Variants in VPS13D observed in about 807,000 individuals in gnomAD.
VPS13D encodes the protein intermembrane lipid transfer protein VPS13D.
Under a neutral mutation model 461.9 loss-of-function variants are expected in VPS13D, and 187 were observed. That is an observed-to-expected ratio of 0.40 (90% CI 0.36 to 0.46). The LOEUF is 0.46. VPS13D is among the 20% of genes least tolerant of loss of function. The pLI is 0.60. For synonymous variants in VPS13D, 1,951 were observed against 1,986.3 expected, an observed-to-expected ratio of 0.98 and a Z score of 0.47; for missense variants, 4,711 against 5,364.9, an observed-to-expected ratio of 0.88 and a Z score of 3.81.
chr1:12,375,298 G>T (rs1353756325), intron 55 of VPS13D, among the ~76,000 whole-genome samples: 2 of 152,188 alleles, frequency 1.3e-5, no homozygotes, highest in African/African-American at 4.8e-5. Flanking sequence ...TTGTGGTGTT[G>T]TGGTTCCCAG....
intron 65 of VPS13D, among the ~76,000 whole-genome samples, chr1:12,419,715 G>A (rs1644839036): frequency 6.6e-6 from 1 of 152,118 alleles, no homozygotes; most frequent in Non-Finnish European, 1.5e-5. Flanking sequence ...CTCCCACCAG[G>A]TCCCAGCTCC....
chr1:12,508,109 T>A (rs900007703), intron 69 of VPS13D, among the ~76,000 whole-genome samples: 3 of 152,324 alleles, frequency 2.0e-5, no homozygotes, highest in Admixed American at 1.3e-4. Flanking sequence ...AGCTGGCTGA[T>A]GAAGAGGGCG....
At chr1:12,374,492 A>T (rs983531694) in intron 55 of VPS13D, among the ~76,000 whole-genome samples, 2 of 152,218 alleles carry the variant, frequency 1.3e-5, no homozygotes, top group East Asian at 1.9e-4. Context: ...CTTACTGGTG[A>T]CATTAACTTA....
intron 55 of VPS13D, among the ~76,000 whole-genome samples, chr1:12,375,223 A>G (rs1644182109): frequency 6.6e-6 from 1 of 152,132 alleles, no homozygotes; most frequent in Non-Finnish European, 1.5e-5. Flanking sequence ...GGGAGCCCTC[A>G]TCCCTTCTAT....
rs562943021 is a variant in VPS13D, at chr1:12,261,590, A to T, written c.1415-311A>T. Among the ~76,000 whole-genome samples, 13 of 152,326 alleles carry T rather than the reference A, an allele frequency of 8.5e-5. No individual in the cohort carries two copies. The East Asian group carries it at 1.7e-3, about 20-fold the overall frequency. On this transcript the variant is annotated intron_variant, in intron 12 of 69. Transcript: ENST00000620676. Reference sequence around the variant, plus strand: ...CAGTGCTCAGTAGCCACATGTGGTTAGTGGCCACTGTACTGGATATCGCAG... The same window carrying T: ...CAGTGCTCAGTAGCCACATGTGGTTTGTGGCCACTGTACTGGATATCGCAG...
At position 12,298,111 on chromosome 1, in the gene VPS13D, G is replaced by A. The variant is rs114774236; in HGVS notation, c.6034-1091G>A. Among the ~76,000 whole-genome samples, 521 of 152,180 alleles carry A rather than the reference G, an allele frequency of 3.4e-3. 4 individuals are homozygous for A. The highest frequency in any genetic ancestry group is 0.012 in the African/African-American group (500 of 41,508). ...TGTTACATTTTCACCTCAGTTTCTGGGTGTATTGTCTCATTTAATCCCTAT... is the reference window on the plus strand; with the variant it reads ...TGTTACATTTTCACCTCAGTTTCTGAGTGTATTGTCTCATTTAATCCCTAT... On this transcript the variant is annotated intron_variant, in intron 24 of 69. Transcript: ENST00000620676.
At chr1:12,367,469 A>C (rs1644051965) in intron 52 of VPS13D, among the ~76,000 whole-genome samples, 1 of 152,220 alleles carries the variant, frequency 6.6e-6, no homozygotes, top group South Asian at 2.1e-4. Flanking sequence ...ATTTAAGACA[A>C]AGTGAATATT....
At chr1:12,395,461 C>A (rs186637791) in intron 60 of VPS13D, among the ~76,000 whole-genome samples, 28 of 152,306 alleles carry the variant, frequency 1.8e-4, no homozygotes, top group Admixed American at 1.8e-3. Flanking sequence ...TGCAGGTCAG[C>A]CACTTGCATG....
chr1:12,317,853 T>G (rs1358758381), intron 30 of VPS13D, among the ~76,000 whole-genome samples: 2 of 152,224 alleles, frequency 1.3e-5, no homozygotes, highest in Non-Finnish European at 2.9e-5. Context: ...TTCCTTGTTG[T>G]TTAAAAATAT....
chr1:12,363,271 G>A, intron 52 of VPS13D, 24 bp downstream of exon 52: 2 of 1,609,078 alleles, frequency 1.2e-6, no homozygotes, highest in South Asian at 1.1e-5. Context: ...TCTAAATATA[G>A]ACAAAAAGGT....
In VPS13D at chr1:12,274,566, T is replaced by C. The variant is rs1422298463; in HGVS notation, c.2237-1259T>C. On this transcript the variant is annotated intron_variant, in intron 18 of 69. Coordinates refer to ENST00000620676, the MANE Select transcript of VPS13D (RefSeq NM_015378.4). ...ACCTCAAGCAATCTGCCTGTCTTAG[T>C]CTCCCAAAGTGCTGGGATTGCAGGT... 2.0e-5 allele frequency among the ~76,000 whole-genome samples: 3 copies of C among 151,742 alleles called. No homozygotes were observed. In the South Asian group the frequency reaches 6.3e-4, roughly 32 times the overall value.
intron 52 of VPS13D, among the ~76,000 whole-genome samples, chr1:12,364,047 T>C (rs1161217099): frequency 1.3e-5 from 2 of 151,868 alleles, no homozygotes; most frequent in Admixed American, 6.6e-5. Flanking sequence ...TTAAAAAAAT[T>C]ATTTAAAAAT....
intron 56 of VPS13D, 28 bp from the exon 57 acceptor site, chr1:12,379,460 A>T: frequency 6.2e-7 from 1 of 1,602,118 alleles, no homozygotes; most frequent in Admixed American, 1.7e-5. Flanking sequence ...CGGAGGTTTC[A>T]TGGTTCATTG....
intron 63 of VPS13D, among the ~76,000 whole-genome samples, chr1:12,413,217 G>A (rs1241206770): frequency 6.6e-6 from 1 of 151,774 alleles, no homozygotes; most frequent in South Asian, 2.1e-4. Flanking sequence ...TGTTTTAAGT[G>A]ACAGGGTCAG....
In VPS13D at chr1:12,283,665, G is replaced by A. The variant is rs757707836; in HGVS notation, c.5563G>A (p.Val1855Met). 3.2e-5 allele frequency: 51 copies of A among 1,614,030 alleles called. No individual in the cohort carries two copies. In the East Asian group the frequency reaches 4.7e-4, roughly 15 times the overall value. ...RLPPEGILHN[V>M]KLEPHASMES... is the part of the protein sequence containing the mutation. Reference sequence around the variant, plus strand: ...GCCTCCTGAGGGCATTCTGCACAACGTGAAGTTGGAGCCACATGCCTCCAT... The same window carrying A: ...GCCTCCTGAGGGCATTCTGCACAACATGAAGTTGGAGCCACATGCCTCCAT... Residue 1855 changes from valine to methionine, a missense_variant, in exon 21 of 70, where the codon GTG becomes ATG. Physicochemically the swap from Val to Met is conservative, Grantham distance 21. This residue lies in a region of VPS13D where 4,411 missense variants were observed against 4,937.8 expected (regional missense o/e 0.89). Coordinates refer to ENST00000620676, the MANE Select transcript of VPS13D (RefSeq NM_015378.4).
intron 9 of VPS13D, among the ~76,000 whole-genome samples, chr1:12,257,529 A>T (rs1640958857): frequency 1.3e-5 from 2 of 152,244 alleles, no homozygotes; most frequent in African/African-American, 4.8e-5. Context: ...CCAGTCTGAT[A>T]TAATAAAGCT....
intron 43 of VPS13D, 132 bp downstream of exon 43, chr1:12,345,641 T>C: frequency 8.0e-7 from 1 of 1,250,338 alleles, no homozygotes; most frequent in Non-Finnish European, 1.1e-6. Flanking sequence ...ACTGGGTCAG[T>C]CATAGGCATT....
In VPS13D at chr1:12,279,940, G is replaced by C. The variant is rs942766147; in HGVS notation, c.4602+290G>C. 6.6e-6 allele frequency among the ~76,000 whole-genome samples: 1 copy of C among 152,100 alleles called. No individual in the cohort carries two copies. Among genetic ancestry groups the C allele is most frequent in the Non-Finnish European group, 1.5e-5 (1 of 68,016 alleles). On this transcript the variant is annotated intron_variant, in intron 20 of 69. Coordinates refer to ENST00000620676, the MANE Select transcript of VPS13D (RefSeq NM_015378.4). The surrounding 1 kb of genome is among the most constrained non-coding windows in gnomAD (Gnocchi z 4.3). ...AAATGGGGAAATGATTGCTTACAAA[G>C]TCAGAGTCTCCTTTCCCAGGAGGAT... is the stretch of plus-strand genomic sequence containing the variant.
At chr1:12,340,610 G>C (rs1193870990) in intron 40 of VPS13D, among the ~76,000 whole-genome samples, 1 of 152,248 alleles carries the variant, frequency 6.6e-6, no homozygotes, top group African/African-American at 2.4e-5. Flanking sequence ...AAGATGTCCT[G>C]TAGGATGAAT....
Sources: allele counts gnomAD v4.1 joint callset (sites outside exome capture counted in the v4.1 genomes callset), GRCh38; gene constraint gnomAD v4.1.1; regional missense constraint gnomAD v4.1.1; non-coding constraint Gnocchi (gnomAD v3.1); transcripts MANE v1.5; gene names NCBI Gene and HGNC (gene_info 2026-07-23, HGNC 2026-07-21).